TUSC3: variants seen among roughly 807,000 people sequenced by gnomAD.
TUSC3 encodes dolichyl-diphosphooligosaccharide--protein glycosyltransferase subunit TUSC3.
Under a neutral mutation model 44.8 loss-of-function variants are expected in TUSC3, and 45 were observed. The ratio of observed to expected loss-of-function variants is 1.00; its 90% CI spans 0.79 to 1.29. The LOEUF (loss-of-function observed/expected upper bound fraction) is 1.29. Among genes scored for constraint, TUSC3 ranks in the 50% most tolerant of loss-of-function variants. The pLI, the probability that TUSC3 is intolerant of heterozygous loss-of-function variation, is 0.00. For synonymous variants in TUSC3, 212 were observed against 152.9 expected, an observed-to-expected ratio of 1.39 and a Z score of -2.85; for missense variants, 519 against 437.9, an observed-to-expected ratio of 1.19 and a Z score of -1.65.
intron 6 of TUSC3, among the ~76,000 whole-genome samples, chr8:15,696,581 A>T (rs1371311625): frequency 6.6e-6 from 1 of 152,102 alleles, no homozygotes; most frequent in African/African-American, 2.4e-5. Context: ...AGAATGGTAG[A>T]TACAGTCACA....
intron 1 of TUSC3, among the ~76,000 whole-genome samples, chr8:15,617,127 T>TGTGTGTGTGTGTGTGTGTGTGTGTGTGG: frequency 1.4e-5 from 1 of 73,436 alleles, no homozygotes; most frequent in African/African-American, 4.2e-5. Context: ...AAAATGTGTG[T>TGTGTGTGTGTGTGTGTGTGTGTGTGTGG]GTGTGTATAT....
chr8:15,810,431 A>C, the TUSC3 span, among the ~76,000 whole-genome samples: 2 of 152,168 alleles, frequency 1.3e-5, no homozygotes, highest in African/African-American at 4.8e-5. Flanking sequence ...TGAGCCCAGG[A>C]GTTTGAGAGC....
intron 2 of TUSC3, among the ~76,000 whole-genome samples, chr8:15,530,872 G>A (rs965358349): frequency 1.3e-5 from 2 of 152,204 alleles, no homozygotes; most frequent in African/African-American, 4.8e-5. Context: ...GAACTGAGCA[G>A]CTCCTGACCG....
chr8:15,444,708 CA>C (rs1333201877), intron 1 of TUSC3, among the ~76,000 whole-genome samples: 3 of 152,158 alleles, frequency 2.0e-5, no homozygotes, highest in African/African-American at 4.8e-5. Flanking sequence ...GAATCTTTGT[CA>C]GTATCTCCCA....
chr8:15,502,940 C>G (rs1458030836), intron 2 of TUSC3, among the ~76,000 whole-genome samples: 5 of 152,246 alleles, frequency 3.3e-5, no homozygotes, highest in Non-Finnish European at 7.4e-5. Flanking sequence ...TTTATTTGAT[C>G]AGTAATTTGG....
At chr8:15,460,141 T>G (rs1460731906) in intron 1 of TUSC3, among the ~76,000 whole-genome samples, 1 of 152,192 alleles carries the variant, frequency 6.6e-6, no homozygotes, top group Non-Finnish European at 1.5e-5. Flanking sequence ...TGTACTAGTT[T>G]ACATTCCCAA....
intron 1 of TUSC3, among the ~76,000 whole-genome samples, chr8:15,580,542 G>C (rs1803281870): frequency 1.2e-4 from 9 of 72,514 alleles, no homozygotes; most frequent in African/African-American, 4.0e-4. Flanking sequence ...GCATTTGCTT[G>C]TCTGTAAAGT....
At chr8:15,490,618 G>C (rs898615027) in intron 2 of TUSC3, among the ~76,000 whole-genome samples, 6 of 152,080 alleles carry the variant, frequency 3.9e-5, no homozygotes, top group Admixed American at 2.0e-4. Flanking sequence ...AGGTGTGCTG[G>C]GTCTTCATCC....
At chr8:15,464,513 G>T (rs78149915) in intron 1 of TUSC3, among the ~76,000 whole-genome samples, 1 of 152,118 alleles carries the variant, frequency 6.6e-6, no homozygotes, top group South Asian at 2.1e-4. Flanking sequence ...CTAGTGATCT[G>T]TTTGACACCT....
intron 6 of TUSC3, among the ~76,000 whole-genome samples, chr8:15,700,765 G>T (rs1414096416): frequency 1.3e-5 from 2 of 150,534 alleles, no homozygotes; most frequent in African/African-American, 4.9e-5. Context: ...TGTTTAAAGA[G>T]ACAGATGTCT....
downstream of TUSC3, among the ~76,000 whole-genome samples, chr8:15,769,691 G>A (rs148030639): frequency 7.1e-3 from 1,082 of 152,212 alleles, 16 homozygotes; most frequent in African/African-American, 0.025. Flanking sequence ...CTGACAAAGG[G>A]CTAATAATCC....
At chr8:15,563,628 G>C (rs553220540) in intron 1 of TUSC3, among the ~76,000 whole-genome samples, 1 of 142,368 alleles carries the variant, frequency 7.0e-6, no homozygotes, top group Non-Finnish European at 1.5e-5. Context: ...AGAGGATTCA[G>C]TGAGCCCGGA....
At chr8:15,587,021 A>G (rs186051306) in intron 1 of TUSC3, among the ~76,000 whole-genome samples, 206 of 152,286 alleles carry the variant, frequency 1.4e-3, no homozygotes, top group African/African-American at 4.9e-3. Context: ...TGCTTTTCTT[A>G]ATATGTTAAT....
intron 7 of TUSC3, among the ~76,000 whole-genome samples, chr8:15,742,075 C>G (rs1010508069): frequency 3.3e-5 from 5 of 152,178 alleles, no homozygotes; most frequent in Non-Finnish European, 7.3e-5. Flanking sequence ...GACTACCATA[C>G]TGATGATACA....
chr8:15,745,748 G>A (rs181422899), intron 8 of TUSC3, among the ~76,000 whole-genome samples: 57 of 151,738 alleles, frequency 3.8e-4, no homozygotes, highest in Non-Finnish European at 5.9e-4. Flanking sequence ...TAGGTTGTCT[G>A]TTTACTCTGT....
chr8:15,473,714 C>G (rs1800528741), intron 1 of TUSC3, among the ~76,000 whole-genome samples: 1 of 152,104 alleles, frequency 6.6e-6, no homozygotes, highest in African/African-American at 2.4e-5. Context: ...GGTGCAAGTA[C>G]AGGGAGTGGG....
chr8:15,781,287 C>A, the TUSC3 span, among the ~76,000 whole-genome samples: 1 of 152,172 alleles, frequency 6.6e-6, no homozygotes, highest in African/African-American at 2.4e-5. Context: ...GAACCCCAAC[C>A]TTTCCAAATG....
rs73195110 is a variant in TUSC3, at chr8:15,632,680, G to C, written c.308+9431G>C. On this transcript the variant is annotated intron_variant, in intron 2 of 10. Transcript: ENST00000503731. ...TGTGAAATGGAGATTTTCAAATTAA[G>C]TGATTTCTTCTACATTAATTAGTTG... 3.3e-3 allele frequency among the ~76,000 whole-genome samples: 499 copies of C among 152,294 alleles called. 4 individuals are homozygous for C. Among genetic ancestry groups the C allele is most frequent in the Middle Eastern group, 6.8e-3 (2 of 294 alleles).
chr8:15,541,212 GTTCA>G (rs1284534220), intron 1 of TUSC3, among the ~76,000 whole-genome samples: 2 of 152,146 alleles, frequency 1.3e-5, no homozygotes, highest in Non-Finnish European at 2.9e-5. Flanking sequence ...TATTTCTGAA[GTTCA>G]TTCAATCTGA....
Sources: gnomAD v4.1 joint callset for allele counts (sites outside exome capture counted in the v4.1 genomes callset) on GRCh38, gnomAD v4.1.1 for gene constraint, MANE v1.5 for transcripts, NCBI Gene and HGNC (gene_info 2026-07-23, HGNC 2026-07-21) for gene names.